The following CDH12 variants were observed in gnomAD, a reference collection of about 807,000 sequenced individuals.
The protein encoded by CDH12 is cadherin 12, also known as cadherin-12.
Under a neutral mutation model 74.1 loss-of-function variants are expected in CDH12, and 41 were observed. The ratio of observed to expected loss-of-function variants is 0.55; its 90% CI spans 0.43 to 0.72. The LOEUF (loss-of-function observed/expected upper bound fraction) is 0.72, where lower values mean the gene tolerates loss of function less well. Ranked by LOEUF, CDH12 falls within the 30% of genes least tolerant of loss-of-function variation. The pLI is 0.00. For synonymous variants in CDH12, 399 were observed against 355.0 expected (o/e 1.12, Z -1.39); for missense variants, 945 against 977.2 (o/e 0.97, Z 0.44).
At chr5:21,923,226 T>C (rs960113086) in intron 6 of CDH12, among the ~76,000 whole-genome samples, 4 of 152,170 alleles carry the variant, frequency 2.6e-5, no homozygotes, top group African/African-American at 9.6e-5. Context: ...ACATTCCAAG[T>C]AATCAAATTC....
At chr5:22,840,329 G>C (rs372609388) in intron 1 of CDH12, among the ~76,000 whole-genome samples, 1 of 151,880 alleles carries the variant, frequency 6.6e-6, no homozygotes, top group Admixed American at 6.6e-5. Context: ...TCACTGTGTT[G>C]GCCAGGATGG....
chr5:21,807,990 T>C (rs1195006301), intron 9 of CDH12, among the ~76,000 whole-genome samples: 1 of 152,038 alleles, frequency 6.6e-6, no homozygotes, highest in East Asian at 1.9e-4. Flanking sequence ...TTATAAGAAG[T>C]AAATTTGTCA....
chr5:22,498,773 A>G (rs1227091064), intron 2 of CDH12, among the ~76,000 whole-genome samples: 1 of 151,782 alleles, frequency 6.6e-6, no homozygotes, highest in Non-Finnish European at 1.5e-5. Context: ...AGACACATGC[A>G]TGCATTATAT....
At position 21,901,994 on chromosome 5, in the gene CDH12, G is replaced by A. The variant is rs377300469; in HGVS notation, c.527-47204C>T. ...ACGTGCAGAGATTACAATAATAATC[G>A]TCATGTACTGCTCACTTAGGAAACA... On this transcript the variant is annotated intron_variant, in intron 6 of 14. Coordinates refer to ENST00000382254, the MANE Select transcript of CDH12 (RefSeq NM_004061.5). 7.9e-5 allele frequency among the ~76,000 whole-genome samples: 12 copies of A among 152,046 alleles called. 1 individual carries two copies. In the East Asian group the frequency reaches 1.2e-3, roughly 15 times the overall value.
At chr5:22,719,781 A>G (rs1048159513) in intron 1 of CDH12, among the ~76,000 whole-genome samples, 5 of 152,150 alleles carry the variant, frequency 3.3e-5, no homozygotes, top group Non-Finnish European at 7.4e-5. Flanking sequence ...TGGACTCTAC[A>G]TGGTTTCCAA....
chr5:22,484,115 T>C (rs1424478), intron 2 of CDH12, among the ~76,000 whole-genome samples: 20,565 of 151,960 alleles, frequency 0.14, 2,212 homozygotes, highest in East Asian at 0.36. Flanking sequence ...ATTTGGATGC[T>C]AGGTTACAAG....
intron 1 of CDH12, among the ~76,000 whole-genome samples, chr5:22,836,551 C>A (rs1413957058): frequency 6.6e-6 from 1 of 151,772 alleles, no homozygotes; most frequent in African/African-American, 2.4e-5. Flanking sequence ...TTTTAAGGGG[C>A]TTTTTATGTT....
At chr5:22,397,896 A>C (rs1580606284) in intron 3 of CDH12, among the ~76,000 whole-genome samples, 1 of 152,090 alleles carries the variant, frequency 6.6e-6, no homozygotes, top group East Asian at 1.9e-4. Flanking sequence ...TTAAAGACAC[A>C]GGGAGAAGAT....
intron 4 of CDH12, among the ~76,000 whole-genome samples, chr5:22,155,256 A>G (rs1747948731): frequency 2.0e-5 from 3 of 152,116 alleles, no homozygotes; most frequent in Admixed American, 2.0e-4. Context: ...AGTAAAATCT[A>G]TTATAGTGAC....
At chr5:22,515,791 G>A (rs1462120435) in intron 1 of CDH12, among the ~76,000 whole-genome samples, 1 of 152,062 alleles carries the variant, frequency 6.6e-6, no homozygotes, top group Non-Finnish European at 1.5e-5. Flanking sequence ...AAAGATCAAA[G>A]TGTAAGACTG....
At chr5:21,929,839 A>C (rs2150079768) in intron 6 of CDH12, among the ~76,000 whole-genome samples, 1 of 152,236 alleles carries the variant, frequency 6.6e-6, no homozygotes, top group Admixed American at 6.5e-5. Context: ...TTGAAAGACA[A>C]GAAAACTGAA....
rs186424935 is a variant in CDH12, at chr5:22,734,344, A to T, written c.-523+118714T>A. Among the ~76,000 whole-genome samples, 28 of 152,028 alleles carry T rather than the reference A, an allele frequency of 1.8e-4. 1 individual carries two copies. In the East Asian group the frequency reaches 5.2e-3, roughly 28 times the overall value. On this transcript the variant is annotated intron_variant, in intron 1 of 14. Coordinates refer to ENST00000382254, the MANE Select transcript of CDH12 (RefSeq NM_004061.5). ...TTCCCAACATTTTTAGAGCAACAAC[A>T]TAATAAAAAAAATGCAAAAAAGTTA... is the stretch of plus-strand genomic sequence containing the variant.
chr5:22,746,985 G>A (rs892270816), intron 1 of CDH12, among the ~76,000 whole-genome samples: 6 of 152,078 alleles, frequency 3.9e-5, no homozygotes, highest in Non-Finnish European at 5.9e-5. Context: ...ATTGAGAATG[G>A]TAAAAGTATA....
chr5:22,514,776 A>G (rs1736739106), intron 1 of CDH12, among the ~76,000 whole-genome samples: 1 of 152,196 alleles, frequency 6.6e-6, no homozygotes, highest in Non-Finnish European at 1.5e-5. Flanking sequence ...TCACACCACA[A>G]AGATATTTTC....
chr5:22,261,554 TC>T (rs1753513524), intron 3 of CDH12, among the ~76,000 whole-genome samples: 1 of 152,086 alleles, frequency 6.6e-6, no homozygotes. Flanking sequence ...ACTGGGCTCA[TC>T]TTGTCATATA....
intron 4 of CDH12, among the ~76,000 whole-genome samples, chr5:22,110,409 A>G (rs1744737788): frequency 6.6e-6 from 1 of 151,852 alleles, no homozygotes; most frequent in Non-Finnish European, 1.5e-5. Context: ...AGACAGGGGT[A>G]GTACTCAAAT....
At chr5:22,385,216 A>T (rs2126398808) in intron 3 of CDH12, among the ~76,000 whole-genome samples, 1 of 152,354 alleles carries the variant, frequency 6.6e-6, no homozygotes, top group Admixed American at 6.5e-5. Context: ...GATATTGGCT[A>T]CAAATATGAT....
chr5:22,694,905 G>A (rs1278915738), intron 1 of CDH12, among the ~76,000 whole-genome samples: 2 of 151,996 alleles, frequency 1.3e-5, no homozygotes, highest in South Asian at 2.1e-4. Flanking sequence ...CATGTGCCAT[G>A]GTGATTTGCT....
chr5:22,089,230 C>A (rs1743268851), intron 4 of CDH12, among the ~76,000 whole-genome samples: 1 of 152,160 alleles, frequency 6.6e-6, no homozygotes, highest in African/African-American at 2.4e-5. Context: ...AAGCAAATAA[C>A]AACAACCCCC....
Sources: allele counts gnomAD v4.1 joint callset (sites outside exome capture counted in the v4.1 genomes callset), GRCh38; gene constraint gnomAD v4.1.1; transcripts MANE v1.5; gene names NCBI Gene and HGNC (gene_info 2026-07-23, HGNC 2026-07-21).